Variants in FARS2 observed in about 807,000 individuals in gnomAD.
The protein encoded by FARS2 is phenylalanine--tRNA ligase, mitochondrial.
FARS2 carries 40 observed loss-of-function variants against 46.4 expected under a neutral mutation model. The observed-to-expected ratio is 0.86, with a 90% confidence interval of 0.67 to 1.12. FARS2 has a LOEUF of 1.12. FARS2 is among the 50% of genes most tolerant of loss of function. The pLI, the probability that FARS2 is intolerant of heterozygous loss-of-function variation, is 0.00. For synonymous variants in FARS2, 234 were observed against 214.9 expected (o/e 1.09, Z -0.78); for missense variants, 513 against 567.9 (o/e 0.90, Z 0.98).
At chr6:5,453,539 T>C (rs1764633809) in intron 4 of FARS2, among the ~76,000 whole-genome samples, 1 of 152,238 alleles carries the variant, frequency 6.6e-6, no homozygotes, top group Non-Finnish European at 1.5e-5. Context: ...AAAATGAGCT[T>C]TCTGACATTC....
intron 6 of FARS2, among the ~76,000 whole-genome samples, chr6:5,756,497 GGA>G (rs10536563): frequency 0.18 from 26,675 of 151,468 alleles, 3,100 homozygotes; most frequent in African/African-American, 0.33. Context: ...TGGCAGAGCA[GGA>G]GAGAGAGAGA....
At chr6:5,673,341 A>C (rs112954889) in intron 6 of FARS2, among the ~76,000 whole-genome samples, 346 of 152,206 alleles carry the variant, frequency 2.3e-3, no homozygotes, top group Admixed American at 5.0e-3. Context: ...CTGCTTCCCC[A>C]CTTCTGCCAT....
intron 6 of FARS2, among the ~76,000 whole-genome samples, chr6:5,666,139 A>G (rs1436301112): frequency 6.6e-6 from 1 of 152,234 alleles, no homozygotes; most frequent in Non-Finnish European, 1.5e-5. Context: ...TAAACCCAAA[A>G]TACTGGGTAC....
At chr6:5,391,719 C>T (rs1027440475) in intron 2 of FARS2, among the ~76,000 whole-genome samples, 10 of 152,118 alleles carry the variant, frequency 6.6e-5, no homozygotes, top group African/African-American at 2.4e-4. Flanking sequence ...CTTCTTCTGT[C>T]CGTTTTCTTT....
At chr6:5,483,334 G>A (rs909611389) in intron 4 of FARS2, among the ~76,000 whole-genome samples, 4 of 152,030 alleles carry the variant, frequency 2.6e-5, no homozygotes, top group Admixed American at 2.0e-4. Flanking sequence ...CTCTGCTTTT[G>A]GAGCAACCCA....
intron 6 of FARS2, among the ~76,000 whole-genome samples, chr6:5,639,296 G>C (rs979248753): frequency 6.6e-6 from 1 of 152,192 alleles, no homozygotes; most frequent in Non-Finnish European, 1.5e-5. Flanking sequence ...CCCAGTGCCA[G>C]GGCCCAGTCT....
intron 4 of FARS2, among the ~76,000 whole-genome samples, chr6:5,439,545 C>T (rs571675615): frequency 5.9e-5 from 9 of 152,140 alleles, no homozygotes; most frequent in Non-Finnish European, 7.4e-5. Context: ...TTTCAGAGTC[C>T]TCTGTTAGTT....
At chr6:5,330,844 G>A (rs749237242) in intron 1 of FARS2, among the ~76,000 whole-genome samples, 13 of 152,014 alleles carry the variant, frequency 8.6e-5, no homozygotes, top group African/African-American at 9.7e-5. Context: ...GGTGGGTCAC[G>A]CCTGTAATCC....
At position 5,475,644 on chromosome 6, in the gene FARS2, T is replaced by C. The variant is rs566756237; in HGVS notation, c.904+44472T>C. ...CCTATTTGGACATCATAGACCCCTC[T>C]TTACTTCCCTCACTCCTGTAGTCAC... On this transcript the variant is annotated intron_variant, in intron 4 of 6. Transcript: ENST00000274680. 2.0e-5 allele frequency among the ~76,000 whole-genome samples: 3 copies of C among 152,288 alleles called. No homozygotes were observed. The East Asian group carries it at 5.8e-4, about 29-fold the overall frequency.
chr6:5,393,734 C>T (rs981755255), intron 2 of FARS2, among the ~76,000 whole-genome samples: 6 of 152,128 alleles, frequency 3.9e-5, no homozygotes, highest in Admixed American at 3.3e-4. Flanking sequence ...AGTATTATCA[C>T]GCAAACGTGT....
chr6:5,380,529 T>C (rs549029886), intron 2 of FARS2, among the ~76,000 whole-genome samples: 2 of 152,310 alleles, frequency 1.3e-5, no homozygotes, highest in East Asian at 3.9e-4. Flanking sequence ...TGGTCTAATT[T>C]CACATTTCGA....
chr6:5,759,640 A>G (rs1186691354), intron 6 of FARS2, among the ~76,000 whole-genome samples: 1 of 152,138 alleles, frequency 6.6e-6, no homozygotes, highest in Non-Finnish European at 1.5e-5. Flanking sequence ...GGCGTTTCCT[A>G]GCCAGGGCTG....
intron 5 of FARS2, among the ~76,000 whole-genome samples, chr6:5,580,991 A>G (rs9378968): frequency 0.2 from 30,745 of 152,234 alleles, 3,501 homozygotes; most frequent in East Asian, 0.46. Flanking sequence ...CTCTGTGTGC[A>G]TGAAATTAAG....
chr6:5,325,505 A>G (rs1178064431), intron 1 of FARS2, among the ~76,000 whole-genome samples: 1 of 152,202 alleles, frequency 6.6e-6, no homozygotes, highest in African/African-American at 2.4e-5. Context: ...CTTCAAGCAC[A>G]AAGAATCACT....
At chr6:5,672,811 G>A (rs1013986511) in intron 6 of FARS2, among the ~76,000 whole-genome samples, 1 of 152,122 alleles carries the variant, frequency 6.6e-6, no homozygotes, top group East Asian at 1.9e-4. Flanking sequence ...GACAACATGT[G>A]TTCCTCTCTG....
intron 1 of FARS2, among the ~76,000 whole-genome samples, chr6:5,280,053 G>C (rs1427477904): frequency 2.6e-5 from 4 of 152,204 alleles, no homozygotes; most frequent in Non-Finnish European, 5.9e-5. Flanking sequence ...TTGAAGGCTA[G>C]GGGTGTTTTT....
intron 5 of FARS2, among the ~76,000 whole-genome samples, chr6:5,588,633 A>G (rs1425705962): frequency 1.3e-5 from 2 of 152,128 alleles, no homozygotes; most frequent in East Asian, 1.9e-4. Context: ...CTTCTGTTCA[A>G]CCAATGGGTT....
intron 6 of FARS2, among the ~76,000 whole-genome samples, chr6:5,685,262 G>A (rs1025023818): frequency 1.3e-5 from 2 of 152,148 alleles, no homozygotes. Context: ...TTTCATAAAG[G>A]ATTCATTATT....
At chr6:5,609,102 AT>A (rs1775018135) in intron 5 of FARS2, 5 of 640,658 alleles carry the variant, frequency 7.8e-6, no homozygotes, top group Non-Finnish European at 1.4e-5. Flanking sequence ...TGTCTAAAAT[AT>A]GTCTTCTTTG....
Sources: gnomAD v4.1 joint callset for allele counts (sites outside exome capture counted in the v4.1 genomes callset) on GRCh38, gnomAD v4.1.1 for gene constraint, MANE v1.5 for transcripts, NCBI Gene and HGNC (gene_info 2026-07-23, HGNC 2026-07-21) for gene names.